The following CDH10 variants were observed in gnomAD, a reference collection of about 807,000 sequenced individuals.
CDH10 encodes the protein cadherin-10.
A neutral mutation model predicts 73.1 loss-of-function variants in CDH10; 30 were observed. That is an observed-to-expected ratio of 0.41 (90% CI 0.31 to 0.56). CDH10 has a LOEUF of 0.56. CDH10 is among the 20% of genes least tolerant of loss of function. CDH10 has a pLI of 0.27. For missense variants in CDH10, 815 were observed against 973.7 expected, an observed-to-expected ratio of 0.84 and a Z score of 2.17; for synonymous variants, 345 against 348.2, an observed-to-expected ratio of 0.99 and a Z score of 0.10.
intron 2 of CDH10, among the ~76,000 whole-genome samples, chr5:24,571,327 G>C (rs1745372273): frequency 6.6e-6 from 1 of 152,096 alleles, no homozygotes; most frequent in African/African-American, 2.4e-5. Flanking sequence ...CAGGATGTGA[G>C]AAATAATAGG....
intron 1 of CDH10, chr5:24,612,644 CT>C (rs1746988632): frequency 1.3e-5 from 2 of 152,046 alleles, no homozygotes; most frequent in Admixed American, 1.3e-4. Context: ...CAGAAACACA[CT>C]TGCCATTAGA....
intron 2 of CDH10, among the ~76,000 whole-genome samples, chr5:24,549,130 T>C (rs777531127): frequency 3.9e-5 from 6 of 152,110 alleles, no homozygotes; most frequent in Non-Finnish European, 8.8e-5. Flanking sequence ...TGAAGTCGTA[T>C]ATATAGAATA....
chr5:24,640,495 A>G (rs1748012896), intron 1 of CDH10, among the ~76,000 whole-genome samples: 1 of 151,504 alleles, frequency 6.6e-6, no homozygotes, highest in Non-Finnish European at 1.5e-5. Flanking sequence ...TTATATCATC[A>G]CATCATATAG....
rs777873507 is a variant in CDH10 at position 24,511,466 on chromosome 5, A to C, written c.863T>G (p.Ile288Ser). 12 of 1,607,696 alleles carry C rather than the reference A, an allele frequency of 7.5e-6. No individual in the cohort carries two copies. The highest frequency in any genetic ancestry group is 6.0e-6 in the Non-Finnish European group (7 of 1,175,304). Residue 288 changes from isoleucine (I) to serine (S), a missense_variant, in exon 6 of 12, where the codon ATT (isoleucine) becomes AGT (serine). Transcript: ENST00000264463. ...VLESSPVGTA[I>S]GSVKATDADT... ...AGCATCAGTTGCTTTGACACTTCCA[A>C]TGGCTGTGCCAACTGGGGAGGATTC...
Position 24,580,905 on chromosome 5 carries a change from A to G in CDH10, c.231+12355T>C, listed in dbSNP as rs960483079. ...GTGCATCATTTCAACCTCTACTTCC[A>G]TTGTCACATCTCTTTTTTCTAAAAT... On this transcript the variant is annotated intron_variant, in intron 2 of 11. Transcript: ENST00000264463. Among the ~76,000 whole-genome samples the G allele has an allele frequency of 2.0e-5, 3 of 152,072 alleles. No individual in the cohort carries two copies. In the South Asian group the frequency reaches 6.2e-4, roughly 32 times the overall value.
intron 5 of CDH10, among the ~76,000 whole-genome samples, chr5:24,519,204 T>G (rs1273420571): frequency 6.6e-6 from 1 of 152,112 alleles, no homozygotes; most frequent in Non-Finnish European, 1.5e-5. Flanking sequence ...ATGCAAAATT[T>G]GAGTTAAAAA....
chr5:24,513,463 C>A (rs2111778378), intron 5 of CDH10, among the ~76,000 whole-genome samples: 1 of 152,232 alleles, frequency 6.6e-6, no homozygotes, highest in African/African-American at 2.4e-5. Context: ...AGGAGAGAGG[C>A]TTCAGAAAAA....
At chr5:24,557,316 C>T (rs532569847) in intron 2 of CDH10, among the ~76,000 whole-genome samples, 5 of 151,520 alleles carry the variant, frequency 3.3e-5, no homozygotes, top group Admixed American at 6.6e-5. Context: ...TTGTTGCCAA[C>T]TAAAAAAGGT....
intron 1 of CDH10, among the ~76,000 whole-genome samples, chr5:24,623,445 T>C (rs1025415883): frequency 3.3e-5 from 5 of 152,216 alleles, no homozygotes; most frequent in Non-Finnish European, 7.3e-5. Context: ...ACTGTCATTG[T>C]AATGTGCATT....
chr5:24,593,596 T>C lies in CDH10; in HGVS notation c.-106A>G, dbSNP rs1433316557. The C allele has an allele frequency of 3.3e-6, 2 of 603,852 alleles. No individual in the cohort carries two copies. The highest frequency in any genetic ancestry group is 3.3e-5 in the Admixed American group (1 of 30,740). The allele number at this position is 603,852 out of a possible 1,614,324, so 37.4% of individuals were successfully genotyped here. ...GGTTTCCAACATTTCATCAATGTTT[T>C]GTTCATGTTTCCCAAAGCTTCAAAC... is the stretch of plus-strand genomic sequence containing the variant. On this transcript the variant is annotated 5_prime_UTR_variant, in exon 2 of 12. Transcript: ENST00000264463.
chr5:24,625,232 C>T (rs1747452818), intron 1 of CDH10, among the ~76,000 whole-genome samples: 1 of 151,294 alleles, frequency 6.6e-6, no homozygotes, highest in Admixed American at 6.6e-5. Context: ...GCCCAATATA[C>T]TGTTACTACC....
At chr5:24,541,684 G>T (rs373514245) in intron 2 of CDH10, among the ~76,000 whole-genome samples, 19 of 152,086 alleles carry the variant, frequency 1.2e-4, no homozygotes, top group African/African-American at 4.6e-4. Context: ...AGATTATTGT[G>T]GTTTTAGTTC....
intron 2 of CDH10, among the ~76,000 whole-genome samples, chr5:24,559,554 T>G (rs1029155308): frequency 6.6e-6 from 1 of 152,054 alleles, no homozygotes; most frequent in African/African-American, 2.4e-5. Context: ...AAGAGAAAAT[T>G]GAAAATGTTT....
At chr5:24,637,423 T>C (rs1245588665) in intron 1 of CDH10, among the ~76,000 whole-genome samples, 1 of 151,990 alleles carries the variant, frequency 6.6e-6, no homozygotes, top group Non-Finnish European at 1.5e-5. Flanking sequence ...TCTACTACTA[T>C]TTCATAAAAA....
intron 2 of CDH10, among the ~76,000 whole-genome samples, chr5:24,565,736 C>T (rs1000959118): frequency 6.6e-6 from 1 of 151,864 alleles, no homozygotes; most frequent in Non-Finnish European, 1.5e-5. Flanking sequence ...GGAGAACTCT[C>T]GCTCTCTGTC....
chr5:24,540,506 G>A (rs1347597888), intron 2 of CDH10, among the ~76,000 whole-genome samples: 1 of 151,858 alleles, frequency 6.6e-6, no homozygotes, highest in Non-Finnish European at 1.5e-5. Context: ...CACATACTGT[G>A]GGAGTTTCTG....
At chr5:24,537,131 A>G (rs750611779) in intron 3 of CDH10, among the ~76,000 whole-genome samples, 4 of 151,950 alleles carry the variant, frequency 2.6e-5, no homozygotes, top group Non-Finnish European at 5.9e-5. Flanking sequence ...CTGAAGTTCA[A>G]TGATATTTTC....
chr5:24,596,043 A>G (rs1426357892), intron 1 of CDH10, among the ~76,000 whole-genome samples: 1 of 151,996 alleles, frequency 6.6e-6, no homozygotes, highest in African/African-American at 2.4e-5. Context: ...TATAAAATAC[A>G]TTTTACATAA....
intron 8 of CDH10, among the ~76,000 whole-genome samples, chr5:24,500,392 C>T (rs947641684): frequency 6.6e-6 from 1 of 152,330 alleles, no homozygotes. Context: ...CTTTCTTCAC[C>T]AATCCTTTTA....
Sources: gnomAD v4.1 joint callset for allele counts (sites outside exome capture counted in the v4.1 genomes callset) on GRCh38, gnomAD v4.1.1 for gene constraint, MANE v1.5 for transcripts, NCBI Gene and HGNC (gene_info 2026-07-23, HGNC 2026-07-21) for gene names.